The following SRGAP1 variants were observed in gnomAD, a reference collection of about 807,000 sequenced individuals.
SRGAP1 encodes SLIT-ROBO Rho GTPase-activating protein 1.
Under a neutral mutation model 121.9 loss-of-function variants are expected in SRGAP1, and 43 were observed. The observed-to-expected ratio is 0.35, with a 90% CI of 0.28 to 0.46. SRGAP1 has a LOEUF of 0.46. Among genes scored for constraint, SRGAP1 ranks in the 20% least tolerant of loss-of-function variants. SRGAP1 has a pLI of 1.00. For synonymous variants in SRGAP1, 447 were observed against 485.4 expected (o/e 0.92, Z 1.04); for missense variants, 1,102 against 1,350.9 (o/e 0.82, Z 2.89).
chr12:63,928,210 T>C (rs1212619691), intron 1 of SRGAP1, among the ~76,000 whole-genome samples: 1 of 152,198 alleles, frequency 6.6e-6, no homozygotes, highest in Admixed American at 6.5e-5. Flanking sequence ...TCACTCTGGG[T>C]ATGCTTTGCT....
intron 3 of SRGAP1, among the ~76,000 whole-genome samples, chr12:63,995,819 T>C (rs2033681922): frequency 6.6e-6 from 1 of 152,114 alleles, no homozygotes; most frequent in Non-Finnish European, 1.5e-5. Flanking sequence ...GTAAGATTCA[T>C]ACTTATTTTT....
intron 1 of SRGAP1, among the ~76,000 whole-genome samples, chr12:63,950,196 T>A (rs1173883691): frequency 6.6e-6 from 1 of 152,156 alleles, no homozygotes; most frequent in Non-Finnish European, 1.5e-5. Flanking sequence ...GCCCTCAACC[T>A]AATAACCTTC....
In SRGAP1 at chr12:64,032,603, G is replaced by A. The variant is rs982751996; in HGVS notation, c.490-10187G>A. 7 of 561,808 alleles carry A rather than the reference G, an allele frequency of 1.2e-5. No individual in the cohort carries two copies. The East Asian group carries it at 2.0e-4, about 16-fold the overall frequency. The allele number at this position is 561,808 out of a possible 1,614,324, so 34.8% of individuals were successfully genotyped here. On this transcript the variant is annotated intron_variant, in intron 4 of 21. Coordinates refer to ENST00000355086, the MANE Select transcript of SRGAP1 (RefSeq NM_020762.4). ...CACATAAGTCCTGCCCCCGACAGCTGACAACAAGCCCCCACAGTCACTTTT... is the reference window on the plus strand; with the variant it reads ...CACATAAGTCCTGCCCCCGACAGCTAACAACAAGCCCCCACAGTCACTTTT...
rs546130428 is a variant in SRGAP1, at chr12:64,158,695, C to T, written c.*16023C>T. ...GCTGAGGCAGAAGTATCACTTGAAC[C>T]CGGGAGGTGGACGTTGCAGTGAGCC... On this transcript the variant is annotated 3_prime_UTR_variant, in exon 22 of 22. Transcript: ENST00000355086. 1 of 151,986 alleles carries T rather than the reference C, an allele frequency of 6.6e-6. No homozygotes were observed. Among genetic ancestry groups the T allele is most frequent in the East Asian group, 1.9e-4 (1 of 5,180 alleles). The allele number at this position is 151,986 out of a possible 1,614,324, so 9.4% of individuals were successfully genotyped here.
chr12:63,853,023 T>A lies in SRGAP1; in HGVS notation c.67+8140T>A, dbSNP rs1050984783. Among the ~76,000 whole-genome samples the A allele has an allele frequency of 2.7e-4, 37 of 139,468 alleles. 1 individual carries two copies. Among genetic ancestry groups the A allele is most frequent in the South Asian group, 4.5e-4 (2 of 4,406 alleles). 91.5% of individuals were successfully genotyped at this position (139,468 alleles called of 152,430 possible). A position where few individuals can be genotyped will look rare whatever the true frequency, so the allele number is the denominator to read the frequency against. On this transcript the variant is annotated intron_variant, in intron 1 of 21. Coordinates refer to ENST00000355086, the MANE Select transcript of SRGAP1 (RefSeq NM_020762.4). ...TGTCCAAACAAGTATTACCGCAAAA[T>A]TTTTTTTTTTTTTGAGATGGAGTTT... is the stretch of plus-strand genomic sequence containing the variant.
At chr12:63,960,843 G>T (rs1225258654) in intron 1 of SRGAP1, among the ~76,000 whole-genome samples, 1 of 152,164 alleles carries the variant, frequency 6.6e-6, no homozygotes. Flanking sequence ...GATGTCAGCA[G>T]GCTCTAGAAG....
At chr12:64,132,965 CAGG>C (rs1259349074) in intron 21 of SRGAP1, among the ~76,000 whole-genome samples, 1 of 152,222 alleles carries the variant, frequency 6.6e-6, no homozygotes, top group Non-Finnish European at 1.5e-5. Flanking sequence ...ATCCACATAC[CAGG>C]AGATGTGTTA....
intron 1 of SRGAP1, among the ~76,000 whole-genome samples, chr12:63,900,209 T>TTTTC (rs1258847692): frequency 1.5e-5 from 2 of 133,158 alleles, no homozygotes; most frequent in East Asian, 2.0e-4. Context: ...TTTTTCTTTT[T>TTTTC]TTTTTTTTTT....
chr12:63,869,367 A>C lies in SRGAP1; in HGVS notation c.67+24484A>C, dbSNP rs567952637. Among the ~76,000 whole-genome samples the C allele has an allele frequency of 2.6e-5, 4 of 152,224 alleles. No homozygotes were observed. In the East Asian group the frequency reaches 7.7e-4, roughly 29 times the overall value. ...AAGGCAAACCCCTCATGGTCTGATC[A>C]CCTCTTGAAAGTCCCACCTCCCGAC... On this transcript the variant is annotated intron_variant, in intron 1 of 21. Transcript: ENST00000355086.
At position 63,855,598 on chromosome 12, in the gene SRGAP1, C is replaced by T. The variant is rs927678247; in HGVS notation, c.67+10715C>T. 2.2e-5 allele frequency among the ~76,000 whole-genome samples: 3 copies of T among 134,786 alleles called. No individual in the cohort carries two copies. The South Asian group carries it at 7.7e-4, about 34-fold the overall frequency. The allele number at this position is 134,786 out of a possible 152,430, so 88.4% of individuals were successfully genotyped here. On this transcript the variant is annotated intron_variant, in intron 1 of 21. Coordinates refer to ENST00000355086, the MANE Select transcript of SRGAP1 (RefSeq NM_020762.4). Reference sequence around the variant, plus strand: ...CTCCACCTCCCAAGTTCAGGCAATTCTCATGCCTCAGCTTCCCAAGTAGGG... The same window carrying T: ...CTCCACCTCCCAAGTTCAGGCAATTTTCATGCCTCAGCTTCCCAAGTAGGG...
At chr12:63,875,201 A>G (rs1899990320) in intron 1 of SRGAP1, among the ~76,000 whole-genome samples, 1 of 152,212 alleles carries the variant, frequency 6.6e-6, no homozygotes, top group Non-Finnish European at 1.5e-5. Context: ...AGTCATGAGC[A>G]GTCCTTAAAG....
At chr12:64,135,614 C>T (rs902353450) in intron 21 of SRGAP1, among the ~76,000 whole-genome samples, 1 of 152,140 alleles carries the variant, frequency 6.6e-6, no homozygotes, top group African/African-American at 2.4e-5. Flanking sequence ...GTCAAATGCA[C>T]GTATTTTGCA....
intron 1 of SRGAP1, among the ~76,000 whole-genome samples, chr12:63,856,450 C>T (rs907755400): frequency 1.8e-4 from 28 of 151,952 alleles, no homozygotes; most frequent in Non-Finnish European, 2.4e-4. Context: ...TTGCTTTCGG[C>T]GTATGTTTTT....
At chr12:63,965,121 T>C (rs1354086483) in intron 1 of SRGAP1, among the ~76,000 whole-genome samples, 1 of 152,184 alleles carries the variant, frequency 6.6e-6, no homozygotes, top group Admixed American at 6.5e-5. Context: ...GCTTTGGGAC[T>C]GTTATAAGGA....
chr12:63,894,977 C>T (rs1900708212), intron 1 of SRGAP1, among the ~76,000 whole-genome samples: 1 of 152,078 alleles, frequency 6.6e-6, no homozygotes, highest in Non-Finnish European at 1.5e-5. Context: ...ATTTATAATC[C>T]TTTGGGTCTA....
At position 64,068,554 on chromosome 12, in the gene SRGAP1, C is replaced by G. The variant is rs867885142; in HGVS notation, c.1125+3335C>G. Among the ~76,000 whole-genome samples the G allele has an allele frequency of 2.1e-4, 32 of 151,724 alleles. 1 individual carries two copies. Among genetic ancestry groups the G allele is most frequent in the African/African-American group, 7.2e-4 (30 of 41,452 alleles). ...TTCCCCATGTTGCCCAGGCTGGTCT[C>G]TAACTCCTGGGTTCAAGCGATCCGC... On this transcript the variant is annotated intron_variant, in intron 8 of 21. Coordinates refer to ENST00000355086, the MANE Select transcript of SRGAP1 (RefSeq NM_020762.4).
intron 1 of SRGAP1, among the ~76,000 whole-genome samples, chr12:63,855,473 GTT>G (rs781701925): frequency 3.7e-3 from 195 of 52,864 alleles, no homozygotes; most frequent in African/African-American, 8.7e-3. Flanking sequence ...GAAAAATGGT[GTT>G]TTTTTTTTTT....
chr12:63,861,079 G>GT (rs1300805378), intron 1 of SRGAP1, among the ~76,000 whole-genome samples: 1 of 149,832 alleles, frequency 6.7e-6, no homozygotes, highest in Non-Finnish European at 1.5e-5. Context: ...TATTTTTAAA[G>GT]TTTTTTATTT....
chr12:64,003,575 A>G (rs926404953), intron 3 of SRGAP1, among the ~76,000 whole-genome samples: 3 of 152,116 alleles, frequency 2.0e-5, no homozygotes, highest in African/African-American at 7.2e-5. Context: ...GATAGACTCA[A>G]TATCAGAATG....
Sources: allele counts gnomAD v4.1 joint callset (sites outside exome capture counted in the v4.1 genomes callset), GRCh38; gene constraint gnomAD v4.1.1; transcripts MANE v1.5; gene names NCBI Gene and HGNC (gene_info 2026-07-23, HGNC 2026-07-21).